The following COL18A1 variants were observed in gnomAD, a reference collection of about 807,000 sequenced individuals.
COL18A1 encodes the protein collagen alpha-1(XVIII) chain.
COL18A1 carries 133 observed loss-of-function variants against 168.0 expected under a neutral mutation model. The ratio of observed to expected loss-of-function variants is 0.79; its 90% CI spans 0.69 to 0.91. COL18A1 has a LOEUF of 0.91. Ranked by LOEUF, COL18A1 falls within the 40% of genes least tolerant of loss-of-function variation. The pLI is 0.00. For synonymous variants in COL18A1, 949 were observed against 809.0 expected (o/e 1.17, Z -2.94); for missense variants, 2,126 against 1,925.4 (o/e 1.10, Z -1.95).
chr21:45,491,264 C>T lies in COL18A1; in HGVS notation c.2107C>T (p.Pro703Ser), dbSNP rs755064694. 20 of 1,612,246 alleles carry T rather than the reference C, an allele frequency of 1.2e-5. No individual in the cohort carries two copies. In the African/African-American group the frequency reaches 2.0e-4, roughly 16 times the overall value. ...GGACGGAGTCGGGCAGCCGGGCCTC[C>T]CTGGCCCCCCCGGACCCCCGGGACC... ...GKDGVGQPGL[P>S]GPPGPPGPVV... The change falls in exon 22 of 42, where the codon CCT (proline) becomes TCT (serine). Residue 703 changes from proline (P) to serine (S), a missense_variant. Physicochemically the swap from Pro to Ser is moderately conservative, Grantham distance 74. Transcript: ENST00000651438.
intron 2 of COL18A1, chr21:45,456,732 C>T (rs968094447): frequency 9.8e-6 from 15 of 1,533,912 alleles, no homozygotes; most frequent in African/African-American, 4.1e-5. Flanking sequence ...GGCAGCGTCC[C>T]GCCGCCCGCC....
intron 2 of COL18A1, among the ~76,000 whole-genome samples, chr21:45,426,208 G>A (rs1188127038): frequency 6.6e-6 from 1 of 152,144 alleles, no homozygotes; most frequent in Non-Finnish European, 1.5e-5. Flanking sequence ...GGGTTCAAGC[G>A]ATTCTCACAT....
intron 22 of COL18A1, 110 bp downstream of exon 22, chr21:45,491,424 C>T: frequency 3.1e-6 from 2 of 648,102 alleles, no homozygotes; most frequent in South Asian, 1.5e-5. Flanking sequence ...TCAGGACAGG[C>T]CCTGACTGCC....
chr21:45,479,523 CCATA>C (rs773383047), intron 9 of COL18A1, among the ~76,000 whole-genome samples: 13 of 151,902 alleles, frequency 8.6e-5, no homozygotes, highest in Non-Finnish European at 1.9e-4. Context: ...ATTATGCACA[CCATA>C]CATGCACACT....
chr21:45,456,068 G>T (rs148957774), intron 2 of COL18A1: 1 of 1,604,606 alleles, frequency 6.2e-7, no homozygotes, highest in African/African-American at 1.3e-5. Flanking sequence ...CTCTCCGGGC[G>T]CCCACACAAC....
At chr21:45,439,481 C>A (rs1387926272) in intron 2 of COL18A1, among the ~76,000 whole-genome samples, 1 of 152,256 alleles carries the variant, frequency 6.6e-6, no homozygotes. Flanking sequence ...AAACGTCCGA[C>A]GAAACCAAGA....
chr21:45,503,169 T>A (rs1391848320), intron 32 of COL18A1, among the ~76,000 whole-genome samples: 2 of 152,212 alleles, frequency 1.3e-5, no homozygotes, highest in African/African-American at 4.8e-5. Context: ...ATGGTTGAAC[T>A]AGTTTACAGT....
intron 2 of COL18A1, among the ~76,000 whole-genome samples, chr21:45,448,417 C>T (rs2034548841): frequency 6.6e-6 from 1 of 152,234 alleles, no homozygotes; most frequent in African/African-American, 2.4e-5. Context: ...ATGTACATAC[C>T]CATGCACACA....
intron 3 of COL18A1, among the ~76,000 whole-genome samples, chr21:45,472,495 G>C (rs1602468754): frequency 6.6e-6 from 1 of 152,320 alleles, no homozygotes; most frequent in East Asian, 1.9e-4. Context: ...ACAGGCGTGA[G>C]CCACTGCGCC....
chr21:45,475,746 G>T (rs974744669), intron 5 of COL18A1, among the ~76,000 whole-genome samples: 2 of 96,264 alleles, frequency 2.1e-5, no homozygotes, highest in Non-Finnish European at 3.9e-5. Flanking sequence ...TGGCCGCCGC[G>T]TGTCTCTGGT....
intron 4 of COL18A1, 124 bp downstream of exon 4, chr21:45,474,105 A>T: frequency 1.4e-6 from 1 of 728,162 alleles, no homozygotes; most frequent in Non-Finnish European, 2.4e-6. Context: ...AAGCTGCGAT[A>T]CCATTTCTGT....
intron 13 of COL18A1, 73 bp downstream of exon 13, chr21:45,480,931 A>G: frequency 6.5e-7 from 1 of 1,534,374 alleles, no homozygotes; most frequent in Non-Finnish European, 8.8e-7. Flanking sequence ...CCCACATGGG[A>G]GCCCCTGCCC....
intron 6 of COL18A1, among the ~76,000 whole-genome samples, chr21:45,476,695 A>G (rs1372796408): frequency 6.7e-6 from 1 of 149,542 alleles, no homozygotes; most frequent in Admixed American, 6.6e-5. Flanking sequence ...GACATGTGTG[A>G]TGTTTATGTG....
In COL18A1 at chr21:45,498,168, A is replaced by T; in HGVS notation, c.2683+507A>T. ...CATTGAGGGTGGCAGGGCTGCTTGGATGTCCTGCCAAGACCACTGAGAACA... is the reference window on the plus strand; with the variant it reads ...CATTGAGGGTGGCAGGGCTGCTTGGTTGTCCTGCCAAGACCACTGAGAACA... On this transcript the variant is annotated intron_variant, in intron 32 of 41. Coordinates refer to ENST00000651438, the MANE Select transcript of COL18A1 (RefSeq NM_001379500.1). The surrounding 1 kb of genome is among the most constrained non-coding windows in gnomAD (Gnocchi z 4.5). The T allele has an allele frequency of 1.5e-6, 1 of 673,782 alleles. No individual in the cohort carries two copies. Among genetic ancestry groups the T allele is most frequent in the East Asian group, 2.7e-5 (1 of 36,988 alleles). 41.7% of individuals were successfully genotyped at this position (673,782 alleles called of 1,614,324 possible).
In COL18A1 at chr21:45,498,523, C is replaced by T. The variant is rs758995402; in HGVS notation, c.2683+862C>T. On this transcript the variant is annotated intron_variant, in intron 32 of 41. Transcript: ENST00000651438. This position sits in a 1 kb window ranked among gnomAD's most constrained non-coding sequence, Gnocchi z 4.5. ...TGCCAGGGTCCTCTGCAGAGGAGGC[C>T]GCCATACCTGCTCTTGCTGGGGCTG... 8.4e-6 allele frequency: 6 copies of T among 716,296 alleles called. No homozygotes were observed. Among genetic ancestry groups the T allele is most frequent in the Non-Finnish European group, 1.6e-5 (6 of 385,048 alleles). The allele number at this position is 716,296 out of a possible 1,614,324, so 44.4% of individuals were successfully genotyped here.
intron 2 of COL18A1, among the ~76,000 whole-genome samples, chr21:45,433,589 C>T (rs909546361): frequency 6.6e-6 from 1 of 152,212 alleles, no homozygotes; most frequent in African/African-American, 2.4e-5. Flanking sequence ...GTGAGCTGGG[C>T]TTGTCCTATG....
At chr21:45,504,686 A>ATGTCCC in intron 34 of COL18A1, 130 bp downstream of exon 34, 1 of 790,258 alleles carries the variant, frequency 1.3e-6, no homozygotes, top group Non-Finnish European at 2.1e-6. Context: ...CAGCCCCGAC[A>ATGTCCC]TGTCCCTGTC....
intron 29 of COL18A1, chr21:45,496,131 G>A (rs1048957807): frequency 2.8e-6 from 1 of 361,210 alleles, no homozygotes. Context: ...CCTCCATGCT[G>A]GGGGTTCTCC....
At chr21:45,484,216 C>T (rs1322103896) in intron 15 of COL18A1, among the ~76,000 whole-genome samples, 3 of 145,250 alleles carry the variant, frequency 2.1e-5, no homozygotes, top group Admixed American at 6.8e-5. Context: ...TAGGCACACA[C>T]ATCTCCAGCA....
Sources: allele counts gnomAD v4.1 joint callset (sites outside exome capture counted in the v4.1 genomes callset), GRCh38; gene constraint gnomAD v4.1.1; non-coding constraint Gnocchi (gnomAD v3.1); transcripts MANE v1.5; gene names NCBI Gene and HGNC (gene_info 2026-07-23, HGNC 2026-07-21).